The following LHFPL2 variants were observed in gnomAD, a reference collection of about 807,000 sequenced individuals.
LHFPL2 encodes the protein LHFPL tetraspan subfamily member 2 protein.
A neutral mutation model predicts 17.5 loss-of-function variants in LHFPL2; 7 were observed. The observed-to-expected ratio is 0.40, with a 90% CI of 0.23 to 0.75. The LOEUF (loss-of-function observed/expected upper bound fraction) is 0.75. LHFPL2 is among the 30% of genes least tolerant of loss of function. The pLI, the probability that LHFPL2 is intolerant of heterozygous loss-of-function variation, is 0.37. For synonymous variants in LHFPL2, 134 were observed against 116.2 expected (o/e 1.15, Z -0.99); for missense variants, 241 against 294.8 (o/e 0.82, Z 1.34).
intron 2 of LHFPL2, among the ~76,000 whole-genome samples, chr5:78,631,197 T>C (rs1398394846): frequency 6.6e-6 from 1 of 152,258 alleles, no homozygotes; most frequent in Non-Finnish European, 1.5e-5. Flanking sequence ...GAAAGTCTAC[T>C]GTTTGTTCCC....
intron 3 of LHFPL2, chr5:78,549,233 T>C (rs541011355): frequency 1.1e-4 from 16 of 152,304 alleles, no homozygotes; most frequent in Admixed American, 9.8e-4. Flanking sequence ...GAGACTGGCT[T>C]ACTTACACAG....
intron 1 of LHFPL2, among the ~76,000 whole-genome samples, chr5:78,646,884 T>C (rs115534748): frequency 0.022 from 3,316 of 152,278 alleles, 45 homozygotes; most frequent in South Asian, 0.031. Context: ...TATTCAACAA[T>C]GTTCATTTGC....
At chr5:78,647,282 G>A (rs1047423288) in intron 1 of LHFPL2, among the ~76,000 whole-genome samples, 1 of 152,162 alleles carries the variant, frequency 6.6e-6, no homozygotes, top group African/African-American at 2.4e-5. Flanking sequence ...GAACCAGTAG[G>A]AAAGAATCAG....
intron 2 of LHFPL2, among the ~76,000 whole-genome samples, chr5:78,603,851 T>G (rs1365219826): frequency 6.6e-6 from 1 of 152,172 alleles, no homozygotes; most frequent in Non-Finnish European, 1.5e-5. Context: ...ACACATACAA[T>G]GATGAAATAC....
intron 2 of LHFPL2, among the ~76,000 whole-genome samples, chr5:78,605,184 C>T (rs1744171359): frequency 6.6e-6 from 1 of 152,234 alleles, no homozygotes. Context: ...CTTGGGTTTT[C>T]GTTATATTTC....
intron 1 of LHFPL2, among the ~76,000 whole-genome samples, chr5:78,636,505 G>C (rs1159875559): frequency 1.3e-5 from 2 of 152,018 alleles, no homozygotes; most frequent in Non-Finnish European, 2.9e-5. Flanking sequence ...TAGGAATAGA[G>C]GTTAATTTTC....
At chr5:78,549,054 G>C (rs368067472) in intron 3 of LHFPL2, 1 of 152,132 alleles carries the variant, frequency 6.6e-6, no homozygotes, top group African/African-American at 2.4e-5. Flanking sequence ...CCCAGGGTTC[G>C]GCTGGCTGTT....
At chr5:78,539,635 C>A (rs1211567108) in intron 3 of LHFPL2, among the ~76,000 whole-genome samples, 1 of 152,082 alleles carries the variant, frequency 6.6e-6, no homozygotes, top group Non-Finnish European at 1.5e-5. Flanking sequence ...TTCCAAACCC[C>A]CCACACCATC....
intron 4 of LHFPL2, among the ~76,000 whole-genome samples, chr5:78,490,186 C>A (rs1428827599): frequency 6.6e-6 from 1 of 152,194 alleles, no homozygotes; most frequent in African/African-American, 2.4e-5. Context: ...TTTTCCTGTT[C>A]TTCACAGCAT....
intron 3 of LHFPL2, among the ~76,000 whole-genome samples, chr5:78,519,679 G>T (rs1254490720): frequency 6.6e-6 from 1 of 152,228 alleles, no homozygotes; most frequent in African/African-American, 2.4e-5. Flanking sequence ...GTTAAAGTAA[G>T]TATCAAGCTT....
At chr5:78,598,523 G>A (rs565847545) in intron 2 of LHFPL2, among the ~76,000 whole-genome samples, 1 of 152,296 alleles carries the variant, frequency 6.6e-6, no homozygotes, top group Non-Finnish European at 1.5e-5. Context: ...CCATTAAGTT[G>A]TTAGAACAGA....
Position 78,532,667 on chromosome 5 carries a change from T to C in LHFPL2, c.-185-22269A>G, listed in dbSNP as rs150681332. 3.2e-3 allele frequency among the ~76,000 whole-genome samples: 486 copies of C among 152,268 alleles called. 2 individuals carry two copies. The highest frequency in any genetic ancestry group is 0.011 in the African/African-American group (468 of 41,554). ...CACTGAGATACTATGAATCCTTTTTTAAAAAACTGAATAATAAAACCATCA... is the reference window on the plus strand; with the variant it reads ...CACTGAGATACTATGAATCCTTTTTCAAAAAACTGAATAATAAAACCATCA... On this transcript the variant is annotated intron_variant, in intron 3 of 4. Transcript: ENST00000380345.
At position 78,600,536 on chromosome 5, in the gene LHFPL2, C is replaced by T. The variant is rs557857852; in HGVS notation, c.-245+31728G>A. Among the ~76,000 whole-genome samples the T allele has an allele frequency of 2.6e-4, 40 of 152,186 alleles. No individual in the cohort carries two copies. The East Asian group carries it at 7.1e-3, about 27-fold the overall frequency. On this transcript the variant is annotated intron_variant, in intron 2 of 4. Coordinates refer to ENST00000380345, the MANE Select transcript of LHFPL2 (RefSeq NM_005779.3). ...CTGAGGTCAGGAGTTCAAGACCAGC[C>T]TGACCAACATGGAGAAACCCTGTCT...
At position 78,488,850 on chromosome 5, in the gene LHFPL2, GT is replaced by G. The variant is rs768760163; in HGVS notation, c.*46del. ...GACTCAAATGATGAAACTGTGGACT[GT>G]TTCACAAGATTACTCAAGGGAGAAA... On this transcript the variant is annotated 3_prime_UTR_variant, in exon 5 of 5. Transcript: ENST00000380345. 1.2e-6 allele frequency: 2 copies of G among 1,600,840 alleles called. No homozygotes were observed. Among genetic ancestry groups the G allele is most frequent in the East Asian group, 4.5e-5 (2 of 44,820 alleles).
At chr5:78,493,401 A>G (rs1754510901) in intron 4 of LHFPL2, among the ~76,000 whole-genome samples, 2 of 152,218 alleles carry the variant, frequency 1.3e-5, no homozygotes, top group Non-Finnish European at 2.9e-5. Flanking sequence ...TCAGTAGTTG[A>G]TAATGTTTAC....
intron 3 of LHFPL2, among the ~76,000 whole-genome samples, chr5:78,528,963 T>C (rs1755700100): frequency 6.6e-6 from 1 of 152,184 alleles, no homozygotes; most frequent in Non-Finnish European, 1.5e-5. Flanking sequence ...GGCAGAGCCC[T>C]GTCAAAGGCA....
chr5:78,488,909 G>T lies in LHFPL2; in HGVS notation c.675C>A (p.Ile225=). Reference sequence around the variant, plus strand: ...TGTCTCTTCCAAACTAAAGGAGGCAGATCAGATTTTTCCCCTCTTCAATTT... The same window carrying T: ...TGTCTCTTCCAAACTAAAGGAGGCATATCAGATTTTTCCCCTCTTCAATTT... ...QEEIEEGKNL[I]CLL Residue 225 remains isoleucine, a synonymous_variant, in exon 5 of 5, where the codon ATC becomes ATA. Transcript: ENST00000380345. The T allele has an allele frequency of 6.2e-7, 1 of 1,614,082 alleles. No individual in the cohort carries two copies. The highest frequency in any genetic ancestry group is 8.5e-7 in the Non-Finnish European group (1 of 1,179,950).
chr5:78,508,561 C>T (rs901842514), intron 4 of LHFPL2, among the ~76,000 whole-genome samples: 2 of 152,186 alleles, frequency 1.3e-5, no homozygotes, highest in Admixed American at 6.5e-5. Context: ...ATCTTATCGG[C>T]TGTTTGGGAA....
intron 3 of LHFPL2, among the ~76,000 whole-genome samples, chr5:78,517,214 C>G (rs908533355): frequency 2.6e-5 from 4 of 152,236 alleles, no homozygotes; most frequent in Admixed American, 2.0e-4. Flanking sequence ...CTCGCAGCCC[C>G]TCCCTCCAAA....
Sources: allele counts gnomAD v4.1 joint callset (sites outside exome capture counted in the v4.1 genomes callset), GRCh38; gene constraint gnomAD v4.1.1; transcripts MANE v1.5; gene names NCBI Gene and HGNC (gene_info 2026-07-23, HGNC 2026-07-21).